The following CCNY variants were observed in gnomAD, a reference collection of about 807,000 sequenced individuals.
CCNY encodes cyclin Y.
CCNY carries 19 observed loss-of-function variants against 42.8 expected under a neutral mutation model. The ratio of observed to expected loss-of-function variants is 0.44; its 90% CI spans 0.31 to 0.65. The LOEUF is 0.65. CCNY is among the 30% of genes least tolerant of loss of function. The pLI is 0.07. For missense variants in CCNY, 370 were observed against 437.3 expected (o/e 0.85, Z 1.37); for synonymous variants, 165 against 162.7 (o/e 1.01, Z -0.11).
chr10:35,267,838 T>A (rs938190748), intron 3 of CCNY, among the ~76,000 whole-genome samples: 3 of 152,200 alleles, frequency 2.0e-5, no homozygotes, highest in African/African-American at 7.2e-5. Flanking sequence ...TTGAAAAAAC[T>A]GATGGGTTAA....
chr10:35,310,222 C>T (rs1453796866), intron 3 of CCNY, among the ~76,000 whole-genome samples: 3 of 152,180 alleles, frequency 2.0e-5, no homozygotes, highest in Non-Finnish European at 4.4e-5. Flanking sequence ...ATAATGTCCT[C>T]CAGGTCAACT....
intron 1 of CCNY, among the ~76,000 whole-genome samples, chr10:35,345,148 C>T (rs1390513673): frequency 6.6e-6 from 1 of 152,186 alleles, no homozygotes; most frequent in African/African-American, 2.4e-5. Context: ...GAGGAATCAC[C>T]ACACTGACTT....
At chr10:35,418,533 C>G (rs551167460) in intron 1 of CCNY, among the ~76,000 whole-genome samples, 41 of 152,362 alleles carry the variant, frequency 2.7e-4, no homozygotes, top group African/African-American at 9.6e-4. Flanking sequence ...CACAGGCCCT[C>G]TCCTGTGCAT....
chr10:35,286,440 C>A lies in CCNY; in HGVS notation c.-9+35814C>A, dbSNP rs190612498. ...GTGTCATGATTGTGGCTCACTGCAACCTCCAGCTCCCAGGTTCAAGTGATT... is the reference window on the plus strand; with the variant it reads ...GTGTCATGATTGTGGCTCACTGCAAACTCCAGCTCCCAGGTTCAAGTGATT... On this transcript the variant is annotated intron_variant, in intron 3 of 11. Transcript: ENST00000374706. 9.8e-4 allele frequency among the ~76,000 whole-genome samples: 149 copies of A among 151,550 alleles called. 1 individual carries two copies. The highest frequency in any genetic ancestry group is 3.4e-3 in the African/African-American group (141 of 41,294).
At chr10:35,428,213 C>T (rs954880217) in intron 1 of CCNY, among the ~76,000 whole-genome samples, 8 of 152,158 alleles carry the variant, frequency 5.3e-5, no homozygotes, top group South Asian at 2.1e-4. Context: ...CATTCACAAC[C>T]GAGATCAAGC....
At chr10:35,369,147 C>T (rs994034932) in intron 1 of CCNY, among the ~76,000 whole-genome samples, 1 of 152,322 alleles carries the variant, frequency 6.6e-6, no homozygotes, top group East Asian at 1.9e-4. Flanking sequence ...CCGAAATGAC[C>T]TTGCAGTAGA....
chr10:35,533,339 G>A (rs1447482458), intron 7 of CCNY, among the ~76,000 whole-genome samples: 1 of 152,120 alleles, frequency 6.6e-6, no homozygotes, highest in African/African-American at 2.4e-5. Context: ...AGAACCTGTG[G>A]TGGTTCCCAT....
chr10:35,296,934 T>A (rs535320001), intron 3 of CCNY, among the ~76,000 whole-genome samples: 1 of 152,136 alleles, frequency 6.6e-6, no homozygotes, highest in South Asian at 2.1e-4. Flanking sequence ...GGGGAGGGTC[T>A]CCTCTCCAAC....
At chr10:35,421,776 C>G (rs139567775) in intron 1 of CCNY, among the ~76,000 whole-genome samples, 3 of 152,144 alleles carry the variant, frequency 2.0e-5, no homozygotes, top group African/African-American at 7.2e-5. Context: ...TGCCCTTGCT[C>G]TTATATCCAG....
At chr10:35,264,632 G>A (rs953500766) in intron 3 of CCNY, among the ~76,000 whole-genome samples, 22 of 151,846 alleles carry the variant, frequency 1.4e-4, no homozygotes, top group African/African-American at 5.3e-4. Flanking sequence ...TGTCTGTTCA[G>A]GTCCTTTGCC....
At chr10:35,450,558 T>C (rs1339224749) in intron 1 of CCNY, among the ~76,000 whole-genome samples, 5 of 152,066 alleles carry the variant, frequency 3.3e-5, no homozygotes, top group African/African-American at 7.2e-5. Flanking sequence ...TTTCTTCTGA[T>C]GGAAAGGTTG....
chr10:35,481,782 C>T (rs574940447), intron 1 of CCNY, among the ~76,000 whole-genome samples: 99 of 152,256 alleles, frequency 6.5e-4, no homozygotes, highest in Non-Finnish European at 1.2e-3. Flanking sequence ...CATTTAGTAA[C>T]GCATTTGTTA....
At position 35,449,599 on chromosome 10, in the gene CCNY, G is replaced by A. The variant is rs113507428; in HGVS notation, c.155-33805G>A. On this transcript the variant is annotated intron_variant, in intron 1 of 9. Transcript: ENST00000374704. ...TTTGGAATGAGAGTAATTACTACGC[G>A]TGCCTGTGCTGATGGGAAATGCATG... 3.3e-3 allele frequency among the ~76,000 whole-genome samples: 505 copies of A among 152,026 alleles called. 4 individuals are homozygous for A. The highest frequency in any genetic ancestry group is 0.011 in the African/African-American group (475 of 41,466).
chr10:35,367,360 CT>C (rs1836831848), intron 1 of CCNY, among the ~76,000 whole-genome samples: 1 of 152,168 alleles, frequency 6.6e-6, no homozygotes, highest in African/African-American at 2.4e-5. Flanking sequence ...TATCTTCCTT[CT>C]CTGTAAAATG....
intron 3 of CCNY, among the ~76,000 whole-genome samples, chr10:35,297,574 T>C (rs556039999): frequency 1.9e-4 from 29 of 152,294 alleles, no homozygotes; most frequent in Non-Finnish European, 3.5e-4. Flanking sequence ...ACAGATGATA[T>C]GATTCTATAT....
chr10:35,329,903 C>T (rs1835923119), intron 3 of CCNY, among the ~76,000 whole-genome samples: 1 of 152,166 alleles, frequency 6.6e-6, no homozygotes, highest in Non-Finnish European at 1.5e-5. Flanking sequence ...TCAGTAGGGT[C>T]TATTGAGCTG....
chr10:35,425,701 G>C (rs767079109), intron 1 of CCNY, among the ~76,000 whole-genome samples: 4 of 152,208 alleles, frequency 2.6e-5, no homozygotes, highest in Non-Finnish European at 4.4e-5. Flanking sequence ...TGTTGTAATA[G>C]TTGGGAGCAC....
At chr10:35,483,381 A>G (rs768392724) in intron 1 of CCNY, 23 bp from the exon 2 acceptor site, 31 of 1,508,950 alleles carry the variant, frequency 2.1e-5, no homozygotes, top group Non-Finnish European at 2.8e-5. Context: ...TTATTCATAT[A>G]ATTTATTTTC....
intron 8 of CCNY, 70 bp downstream of exon 8, chr10:35,553,255 C>CT: frequency 2.0e-6 from 3 of 1,525,208 alleles, no homozygotes; most frequent in Non-Finnish European, 2.7e-6. Context: ...AAGCTGCCTC[C>CT]TTTTTTAATG....
Sources: gnomAD v4.1 joint callset for allele counts (sites outside exome capture counted in the v4.1 genomes callset) on GRCh38, gnomAD v4.1.1 for gene constraint, MANE v1.5 for transcripts, NCBI Gene and HGNC (gene_info 2026-07-23, HGNC 2026-07-21) for gene names.